Variants in HS3ST5 observed in about 807,000 individuals in gnomAD.
HS3ST5 encodes the protein heparan sulfate glucosamine 3-O-sulfotransferase 5.
Under a neutral mutation model 25.4 loss-of-function variants are expected in HS3ST5, and 10 were observed. The ratio of observed to expected loss-of-function variants is 0.39; its 90% CI spans 0.24 to 0.67. The LOEUF is 0.67. Ranked by LOEUF, HS3ST5 falls within the 30% of genes least tolerant of loss-of-function variation. HS3ST5 has a pLI of 0.44. For missense variants in HS3ST5, 324 were observed against 420.7 expected (o/e 0.77, Z 2.01); for synonymous variants, 170 against 162.4 (o/e 1.05, Z -0.36).
In HS3ST5 at chr6:114,062,953, G is replaced by C. The variant is rs112241962; in HGVS notation, c.-32-76C>G. ...GTCACAGAGCTAAGCAGAGGTGGAAGACAGGTGATAAGTGACACTGCACAA... is the reference window on the plus strand; with the variant it reads ...GTCACAGAGCTAAGCAGAGGTGGAACACAGGTGATAAGTGACACTGCACAA... On this transcript the variant is annotated intron_variant, in intron 3 of 4. Transcript: ENST00000312719. 1,322 of 772,516 alleles carry C rather than the reference G, an allele frequency of 1.7e-3. 13 individuals carry two copies. The African/African-American group carries it at 0.02, about 12-fold the overall frequency. The allele number at this position is 772,516 out of a possible 1,614,324, so 47.9% of individuals were successfully genotyped here. A position where few individuals can be genotyped will look rare whatever the true frequency, so the allele number is the denominator to read the frequency against.
rs1772735681 is a variant in HS3ST5, at chr6:114,055,615, A to G, written c.*1642T>C. On this transcript the variant is annotated 3_prime_UTR_variant, in exon 5 of 5. Coordinates refer to ENST00000312719, the MANE Select transcript of HS3ST5 (RefSeq NM_153612.4). ...GACACCGGAGGGGAAAGGGCTATTT[A>G]TTTAGAAAAGTTCACCATCAAATCA... 1 of 152,246 alleles carries G rather than the reference A, an allele frequency of 6.6e-6. No individual in the cohort carries two copies. The highest frequency in any genetic ancestry group is 6.5e-5 in the Admixed American group (1 of 15,288). The allele number at this position is 152,246 out of a possible 1,614,324, so 9.4% of individuals were successfully genotyped here.
At chr6:114,088,743 T>TAC (rs1408153161) in intron 3 of HS3ST5, among the ~76,000 whole-genome samples, 9 of 152,228 alleles carry the variant, frequency 5.9e-5, no homozygotes, top group Non-Finnish European at 1.0e-4. Context: ...TGTATATATA[T>TAC]ACATATTCAT....
intron 1 of HS3ST5, among the ~76,000 whole-genome samples, chr6:114,285,725 C>T (rs1774309791): frequency 6.6e-6 from 1 of 151,928 alleles, no homozygotes; most frequent in African/African-American, 2.4e-5. Context: ...GCATGGAGGG[C>T]TTAATACCTA....
intron 3 of HS3ST5, among the ~76,000 whole-genome samples, chr6:114,166,075 TAA>T (rs1779196965): frequency 6.6e-6 from 1 of 151,426 alleles, no homozygotes; most frequent in Non-Finnish European, 1.5e-5. Flanking sequence ...AGAATAAGGT[TAA>T]GTGTTCAAAA....
intron 2 of HS3ST5, among the ~76,000 whole-genome samples, chr6:114,187,901 C>T (rs9481427): frequency 0.21 from 32,168 of 152,078 alleles, 3,469 homozygotes; most frequent in East Asian, 0.26. Flanking sequence ...AGGCAAGACC[C>T]TCCACCAGCA....
intron 3 of HS3ST5, among the ~76,000 whole-genome samples, chr6:114,120,528 A>T (rs779971252): frequency 6.6e-6 from 1 of 152,096 alleles, no homozygotes; most frequent in Non-Finnish European, 1.5e-5. Flanking sequence ...TGAACAACAG[A>T]TTTATCTCAC....
At chr6:114,340,475 C>T (rs1776782264) in intron 1 of HS3ST5, 1 of 152,172 alleles carries the variant, frequency 6.6e-6, no homozygotes, top group Admixed American at 6.5e-5. Context: ...CAACAGTTTC[C>T]TTCCCATTGC....
intron 1 of HS3ST5, among the ~76,000 whole-genome samples, chr6:114,333,156 C>T (rs1776470868): frequency 6.6e-6 from 1 of 152,100 alleles, no homozygotes; most frequent in Non-Finnish European, 1.5e-5. Context: ...ATGGCCTGAA[C>T]TTAAGGAATA....
chr6:114,340,901 T>C (rs12199428), intron 1 of HS3ST5, among the ~76,000 whole-genome samples: 22,537 of 151,932 alleles, frequency 0.15, 1,758 homozygotes, highest in Middle Eastern at 0.18. Flanking sequence ...AGCTGTTTAT[T>C]ACTTCTAGCA....
At chr6:114,288,347 C>T (rs928083261) in intron 1 of HS3ST5, among the ~76,000 whole-genome samples, 8 of 152,138 alleles carry the variant, frequency 5.3e-5, no homozygotes, top group African/African-American at 1.9e-4. Context: ...TGCAATGGTA[C>T]ATTTTATTTT....
At chr6:114,149,915 G>T (rs1778369321) in intron 3 of HS3ST5, among the ~76,000 whole-genome samples, 1 of 152,120 alleles carries the variant, frequency 6.6e-6, no homozygotes, top group Admixed American at 6.5e-5. Flanking sequence ...TGGTAATTCT[G>T]CATCCTGTCA....
intron 1 of HS3ST5, among the ~76,000 whole-genome samples, chr6:114,263,702 A>G (rs777926562): frequency 6.6e-6 from 1 of 152,232 alleles, no homozygotes; most frequent in Non-Finnish European, 1.5e-5. Flanking sequence ...AGGAACCACA[A>G]GGTATGTAGT....
At chr6:114,327,431 A>G (rs1336062314) in intron 1 of HS3ST5, among the ~76,000 whole-genome samples, 1 of 152,206 alleles carries the variant, frequency 6.6e-6, no homozygotes, top group Non-Finnish European at 1.5e-5. Flanking sequence ...TTGAGGATCA[A>G]TTTAGGATTT....
intron 1 of HS3ST5, among the ~76,000 whole-genome samples, chr6:114,244,988 T>C (rs193034464): frequency 6.6e-6 from 1 of 152,332 alleles, no homozygotes; most frequent in Admixed American, 6.5e-5. Context: ...TTTGAAAACA[T>C]ACATTGTTAC....
intron 3 of HS3ST5, among the ~76,000 whole-genome samples, chr6:114,088,485 A>G (rs1235197753): frequency 6.6e-6 from 1 of 150,920 alleles, no homozygotes; most frequent in African/African-American, 2.5e-5. Context: ...ACCTCCTCTG[A>G]TCCCACTAAT....
chr6:114,120,084 G>T (rs1424799982), intron 3 of HS3ST5, among the ~76,000 whole-genome samples: 2 of 152,184 alleles, frequency 1.3e-5, no homozygotes, highest in Non-Finnish European at 2.9e-5. Context: ...GGCAGAGGTT[G>T]TAGTGAGCCG....
intron 2 of HS3ST5, among the ~76,000 whole-genome samples, chr6:114,176,459 T>G (rs74529210): frequency 6.6e-6 from 1 of 152,202 alleles, no homozygotes; most frequent in African/African-American, 2.4e-5. Flanking sequence ...ACTTGTATCA[T>G]TGGCAGAAAC....
At chr6:114,260,618 T>C (rs1346307126) in intron 1 of HS3ST5, among the ~76,000 whole-genome samples, 12 of 152,218 alleles carry the variant, frequency 7.9e-5, no homozygotes, top group Admixed American at 7.9e-4. Context: ...ATCATTGTCA[T>C]TTCCAGAATT....
intron 1 of HS3ST5, among the ~76,000 whole-genome samples, chr6:114,324,345 A>T (rs1189958625): frequency 6.6e-6 from 1 of 152,220 alleles, no homozygotes; most frequent in African/African-American, 2.4e-5. Context: ...GTAGTTTCTT[A>T]CGTGAGCAGG....
Sources: gnomAD v4.1 joint callset for allele counts (sites outside exome capture counted in the v4.1 genomes callset) on GRCh38, gnomAD v4.1.1 for gene constraint, MANE v1.5 for transcripts, NCBI Gene and HGNC (gene_info 2026-07-23, HGNC 2026-07-21) for gene names.